The following PLCH2 variants were observed in gnomAD, a reference collection of about 807,000 sequenced individuals.
PLCH2 encodes the protein 1-phosphatidylinositol 4,5-bisphosphate phosphodiesterase eta-2.
A neutral mutation model predicts 134.7 loss-of-function variants in PLCH2; 98 were observed. The observed-to-expected ratio is 0.73, with a 90% CI of 0.62 to 0.86. PLCH2 has a LOEUF of 0.86. PLCH2 is among the 40% of genes least tolerant of loss of function. The pLI, the probability that PLCH2 is intolerant of heterozygous loss-of-function variation, is 0.00. For missense variants in PLCH2, 1,994 were observed against 1,986.6 expected (o/e 1.00, Z -0.07); for synonymous variants, 974 against 827.5 (o/e 1.18, Z -3.04).
At chr1:2,437,906 C>T (rs1639508342) in intron 2 of PLCH2, among the ~76,000 whole-genome samples, 1 of 152,254 alleles carries the variant, frequency 6.6e-6, no homozygotes, top group African/African-American at 2.4e-5. Flanking sequence ...TCTTCCAGAA[C>T]TCGCCTCTCA....
chr1:2,490,481 G>A lies in PLCH2; in HGVS notation c.1515+614G>A, dbSNP rs1015484189. Among the ~76,000 whole-genome samples, 4 of 150,918 alleles carry A rather than the reference G, an allele frequency of 2.7e-5. No individual in the cohort carries two copies. The South Asian group carries it at 6.3e-4, about 24-fold the overall frequency. ...GTCCTGTGAGGTGTTGGGCTCGGGGGCGCCGATCTCCTCTCCTCTGGACAC... is the reference window on the plus strand; with the variant it reads ...GTCCTGTGAGGTGTTGGGCTCGGGGACGCCGATCTCCTCTCCTCTGGACAC... On this transcript the variant is annotated intron_variant, in intron 10 of 21. Coordinates refer to ENST00000378486, the MANE Select transcript of PLCH2 (RefSeq NM_014638.4).
At position 2,457,258 on chromosome 1, in the gene PLCH2, G is replaced by A. The variant is rs145515606; in HGVS notation, c.116-21218G>A. On this transcript the variant is annotated intron_variant, in intron 2 of 3. Coordinates refer to the PLCH2 transcript ENST00000609981. ...ATGAGGCCTGGGCCTGCCTGGCCAC[G>A]CTGGGCTGGCCCGCCCTCCACTCAG... Among the ~76,000 whole-genome samples, 1,458 of 152,202 alleles carry A rather than the reference G, an allele frequency of 9.6e-3. 15 individuals are homozygous for A. The highest frequency in any genetic ancestry group is 0.013 in the Non-Finnish European group (902 of 67,980).
chr1:2,477,409 G>A (rs1641694011), intron 1 of PLCH2, among the ~76,000 whole-genome samples: 1 of 152,320 alleles, frequency 6.6e-6, no homozygotes, highest in Admixed American at 6.5e-5. Flanking sequence ...TCACGTAGTA[G>A]CTTCCCCAAG....
chr1:2,503,948 C>T lies in PLCH2; in HGVS notation c.2986C>T (p.Pro996Ser). 1 of 1,370,158 alleles carries T rather than the reference C, an allele frequency of 7.3e-7. No homozygotes were observed. Among genetic ancestry groups the T allele is most frequent in the Non-Finnish European group, 1.0e-6 (1 of 989,252 alleles). The allele number at this position is 1,370,158 out of a possible 1,614,324, so 84.9% of individuals were successfully genotyped here. A position where few individuals can be genotyped will look rare whatever the true frequency, so the allele number is the denominator to read the frequency against. Residue 996 changes from proline (P) to serine (S), a missense_variant, in exon 22 of 22, where the codon CCA (proline) becomes TCA (serine). Around this residue, in one of 2 missense-constraint regions of PLCH2, gnomAD observed 900 missense variants for 752.3 expected, o/e 1.20. Coordinates refer to ENST00000378486, the MANE Select transcript of PLCH2 (RefSeq NM_014638.4). ...RDTRPLSTQRPLPPLCSLETI... is the reference protein window; with the variant it reads ...RDTRPLSTQRSLPPLCSLETI... Reference sequence around the variant, plus strand: ...CACCCGCCCCCTCTCCACGCAGCGGCCACTCCCCCCACTGTGCAGCCTGGA... The same window carrying T: ...CACCCGCCCCCTCTCCACGCAGCGGTCACTCCCCCCACTGTGCAGCCTGGA...
At chr1:2,427,336 G>C (rs2100470915) in intron 1 of PLCH2, among the ~76,000 whole-genome samples, 1 of 152,280 alleles carries the variant, frequency 6.6e-6, no homozygotes, top group African/African-American at 2.4e-5. Flanking sequence ...GCAGGTCTGG[G>C]ACGAGTCAGG....
chr1:2,484,284 C>T (rs1029678413), intron 4 of PLCH2, among the ~76,000 whole-genome samples, 164 bp from the exon 5 acceptor site: 15 of 152,114 alleles, frequency 9.9e-5, no homozygotes, highest in African/African-American at 3.6e-4. Flanking sequence ...GGTGGGTGGG[C>T]CCGTGCCCTG....
the PLCH2 span, among the ~76,000 whole-genome samples, chr1:2,418,165 G>A: frequency 6.6e-6 from 1 of 152,212 alleles, no homozygotes. Context: ...ATTCCGGGCA[G>A]AGCCCACGTT....
At chr1:2,496,170 G>A (rs552797367) in intron 13 of PLCH2, among the ~76,000 whole-genome samples, 19 of 151,868 alleles carry the variant, frequency 1.3e-4, no homozygotes, top group African/African-American at 3.4e-4. Context: ...CCCGTCCCAC[G>A]TGCCAGCCGG....
At position 2,476,409 on chromosome 1, in the gene PLCH2, C is replaced by G. The variant is rs1641619126; in HGVS notation, c.-180C>G. 1 of 580,310 alleles carries G rather than the reference C, an allele frequency of 1.7e-6. No homozygotes were observed. Among genetic ancestry groups the G allele is most frequent in the Non-Finnish European group, 2.9e-6 (1 of 347,778 alleles). The allele number at this position is 580,310 out of a possible 1,614,324, so 35.9% of individuals were successfully genotyped here. On this transcript the variant is annotated 5_prime_UTR_variant, in exon 1 of 22. Transcript: ENST00000378486. ...CAGGTGACGGTCAGGCCAATGCCAG[C>G]CGGGCCTGGGCACAGCCCTGTGGGG...
upstream of PLCH2, among the ~76,000 whole-genome samples, chr1:2,474,465 G>T (rs777089426): frequency 7.9e-4 from 120 of 152,316 alleles, no homozygotes; most frequent in Non-Finnish European, 1.5e-3. Flanking sequence ...AGGTCAGGGG[G>T]CCTGGGGTGC....
chr1:2,472,451 C>T (rs533052115), upstream of PLCH2, among the ~76,000 whole-genome samples: 70 of 152,280 alleles, frequency 4.6e-4, no homozygotes, highest in South Asian at 4.3e-3. Flanking sequence ...GGCAGGGGGG[C>T]GCGGAAGAGC....
intron 2 of PLCH2, among the ~76,000 whole-genome samples, chr1:2,451,183 C>A (rs1196341323): frequency 6.6e-6 from 1 of 152,134 alleles, no homozygotes; most frequent in Non-Finnish European, 1.5e-5. Context: ...CTGGTGTCCA[C>A]GTCAACAAGG....
chr1:2,501,932 G>A, intron 20 of PLCH2, 180 bp from the exon 21 acceptor site: 1 of 547,082 alleles, frequency 1.8e-6, no homozygotes, highest in South Asian at 2.7e-5. Context: ...AGCTGCCCTA[G>A]GGACCCTGCT....
chr1:2,463,469 A>G (rs1640917412), upstream of PLCH2, among the ~76,000 whole-genome samples: 2 of 152,310 alleles, frequency 1.3e-5, no homozygotes, highest in Non-Finnish European at 1.5e-5. Context: ...GCAGCCGAGA[A>G]TCTGTTTACT....
intron 21 of PLCH2, 35 bp downstream of exon 21, chr1:2,502,444 T>C (rs1643283033): frequency 3.2e-6 from 5 of 1,539,382 alleles, no homozygotes; most frequent in South Asian, 1.2e-5. Context: ...AGAAGAGCCC[T>C]GTGCGAGTGC....
At position 2,502,188 on chromosome 1, in the gene PLCH2, G is replaced by A. The variant is rs1643262312; in HGVS notation, c.2738G>A (p.Gly913Glu). Residue 913 changes from glycine (G) to glutamate (E), a missense_variant, in exon 21 of 22, where the codon GGG becomes GAG. Gly to Glu is a moderately conservative substitution (Grantham distance 98, BLOSUM62 -2). Transcript: ENST00000378486. Reference protein sequence around the residue: ...KPGSLDSHAAGRPPARPSVSQ... With the variant: ...KPGSLDSHAAERPPARPSVSQ... ...GGCTCGCTGGACAGTCATGCTGCTG[G>A]GCGGCCCCCGGCCCGGCCCTCCGTT... The A allele has an allele frequency of 1.3e-6, 2 of 1,533,084 alleles. No homozygotes were observed. The highest frequency in any genetic ancestry group is 1.4e-5 in the African/African-American group (1 of 72,014). The allele number at this position is 1,533,084 out of a possible 1,614,324, so 95.0% of individuals were successfully genotyped here.
intron 2 of PLCH2, among the ~76,000 whole-genome samples, chr1:2,459,536 C>CTGGTGGTCCTCCTTG: frequency 1.3e-5 from 1 of 77,224 alleles, no homozygotes; most frequent in African/African-American, 7.3e-5. Context: ...GGTCCTCCTT[C>CTGGTGGTCCTCCTTG]CTGGTGGTCC....
At chr1:2,454,872 C>T (rs2100567268) in intron 2 of PLCH2, among the ~76,000 whole-genome samples, 1 of 152,268 alleles carries the variant, frequency 6.6e-6, no homozygotes, top group Non-Finnish European at 1.5e-5. Context: ...GAGCAGGTGG[C>T]TCGCGGCTCA....
chr1:2,493,826 TG>T (rs1642724839), intron 11 of PLCH2: 1 of 153,572 alleles, frequency 6.5e-6, no homozygotes. Context: ...CGGAGCTGTT[TG>T]CTGTGGCGTG....
Sources: gnomAD v4.1 joint callset for allele counts (sites outside exome capture counted in the v4.1 genomes callset) on GRCh38, gnomAD v4.1.1 for gene constraint, gnomAD v4.1.1 regional missense constraint, MANE v1.5 for transcripts, NCBI Gene and HGNC (gene_info 2026-07-23, HGNC 2026-07-21) for gene names.